The following LCOR variants were observed in gnomAD, a reference collection of about 807,000 sequenced individuals.
LCOR encodes the protein ligand-dependent corepressor.
Under a neutral mutation model 64.4 loss-of-function variants are expected in LCOR, and 14 were observed. The ratio of observed to expected loss-of-function variants is 0.22; its 90% CI spans 0.14 to 0.34. The LOEUF (loss-of-function observed/expected upper bound fraction) is 0.34, where lower values mean the gene tolerates loss of function less well. Among genes scored for constraint, LCOR ranks in the 10% least tolerant of loss-of-function variants. The probability of loss-of-function intolerance (pLI) is 1.00; values close to 1 mark genes in which losing one functional copy is unlikely to be tolerated. For missense variants in LCOR, 1,686 were observed against 1,765.3 expected, an observed-to-expected ratio of 0.96 and a Z score of 0.80; for synonymous variants, 643 against 642.5, an observed-to-expected ratio of 1.00 and a Z score of -0.01.
At chr10:96,862,891 T>G (rs1051070388) in intron 2 of LCOR, among the ~76,000 whole-genome samples, 2 of 151,844 alleles carry the variant, frequency 1.3e-5, no homozygotes, top group Admixed American at 1.3e-4. Context: ...TTCTTTTTTT[T>G]TTTTTTGAAA....
intron 2 of LCOR, among the ~76,000 whole-genome samples, chr10:96,858,924 T>C (rs1022258935): frequency 2.6e-5 from 4 of 152,306 alleles, no homozygotes; most frequent in Non-Finnish European, 4.4e-5. Context: ...TCCCTGTCCT[T>C]TGCTAAATTT....
chr10:96,905,212 T>C (rs1235188480), intron 2 of LCOR, among the ~76,000 whole-genome samples: 1 of 152,218 alleles, frequency 6.6e-6, no homozygotes, highest in Non-Finnish European at 1.5e-5. Context: ...TGCATTTTTC[T>C]TTCCTGGCAT....
In LCOR at chr10:96,985,048, GA is replaced by G; in HGVS notation, c.4589del (p.Glu1530GlyfsTer11). Reference protein sequence around the residue: ...TRARPSTKTPESSAAQRKRKL... With the variant: ...TRARPSTKTPXSSAAQRKRKL... ...GGCCAGACCCTCAACGAAAACCCCA[GA>G]GAGCAGTGCAGCTCAGAGAAAGCGA... On this transcript the variant is annotated frameshift_variant, in exon 8 of 8. Coordinates refer to ENST00000421806, the MANE Select transcript of LCOR (RefSeq NM_001346516.2). LOFTEE classifies it high-confidence loss of function. 1 of 1,614,224 alleles carries G rather than the reference GA, an allele frequency of 6.2e-7. No homozygotes were observed. Among genetic ancestry groups the G allele is most frequent in the Non-Finnish European group, 8.5e-7 (1 of 1,180,040 alleles).
intron 7 of LCOR, among the ~76,000 whole-genome samples, chr10:96,979,196 G>T (rs904614572): frequency 1.3e-5 from 2 of 152,228 alleles, no homozygotes; most frequent in African/African-American, 4.8e-5. Flanking sequence ...GAATTAGCCA[G>T]AAGATATTAT....
chr10:96,851,644 A>G (rs1285011694), intron 2 of LCOR, among the ~76,000 whole-genome samples: 4 of 152,252 alleles, frequency 2.6e-5, no homozygotes, highest in African/African-American at 7.2e-5. Flanking sequence ...CTCTGGAGCA[A>G]ACATTTTAAA....
intron 4 of LCOR, among the ~76,000 whole-genome samples, chr10:96,914,403 GTCAGGCTGGTCTCGAACTCCTGACC>G (rs1846901006): frequency 6.6e-6 from 1 of 152,128 alleles, no homozygotes; most frequent in South Asian, 2.1e-4. Context: ...CACCATGTTG[GTCAGGCTGGTCTCGAACTCCTGACC>G]TCAGGTGATG....
chr10:96,972,350 A>T (rs1034994523), intron 7 of LCOR, among the ~76,000 whole-genome samples: 1 of 152,126 alleles, frequency 6.6e-6, no homozygotes, highest in Non-Finnish European at 1.5e-5. Context: ...AAGGATGATG[A>T]AGTTAGAAAC....
intron 7 of LCOR, among the ~76,000 whole-genome samples, chr10:96,979,882 G>A (rs886936669): frequency 3.3e-5 from 5 of 152,190 alleles, no homozygotes; most frequent in East Asian, 1.9e-4. Flanking sequence ...GGCGGCTCAC[G>A]CCTGTAATCC....
At chr10:96,920,717 T>C (rs982348178) in intron 4 of LCOR, among the ~76,000 whole-genome samples, 1 of 140,766 alleles carries the variant, frequency 7.1e-6, no homozygotes, top group African/African-American at 2.8e-5. Flanking sequence ...TGTGTATATA[T>C]GTATATATGT....
chr10:96,841,400 A>G (rs7921193), intron 2 of LCOR, among the ~76,000 whole-genome samples: 20,715 of 144,670 alleles, frequency 0.14, 2,011 homozygotes, highest in African/African-American at 0.28. Flanking sequence ...TTGCTGTGTC[A>G]GCCAGGCTGG....
chr10:96,959,743 TTTG>T (rs1315038701), intron 7 of LCOR: 4 of 152,190 alleles, frequency 2.6e-5, no homozygotes, highest in African/African-American at 9.7e-5. Flanking sequence ...TAATATTAAG[TTTG>T]TTGTTCTGAA....
intron 4 of LCOR, among the ~76,000 whole-genome samples, chr10:96,908,834 G>A (rs1385145672): frequency 6.6e-6 from 1 of 151,952 alleles, no homozygotes; most frequent in Non-Finnish European, 1.5e-5. Context: ...TCCTGCCTCA[G>A]CCTCACGAGT....
chr10:96,852,495 T>C lies in LCOR; in HGVS notation c.-330+19016T>C, dbSNP rs372221770. On this transcript the variant is annotated intron_variant, in intron 2 of 7. Transcript: ENST00000421806. Reference sequence around the variant, plus strand: ...GGCACATATGAAACGTAAATGAATCTTGTGTTTAGACTTGTGTGCCATCCC... The same window carrying C: ...GGCACATATGAAACGTAAATGAATCCTGTGTTTAGACTTGTGTGCCATCCC... Among the ~76,000 whole-genome samples, 59 of 152,344 alleles carry C rather than the reference T, an allele frequency of 3.9e-4. 1 individual carries two copies. The South Asian group carries it at 0.01, about 27-fold the overall frequency.
intron 2 of LCOR, among the ~76,000 whole-genome samples, chr10:96,886,758 T>C (rs1211306407): frequency 6.6e-6 from 1 of 152,234 alleles, no homozygotes; most frequent in Non-Finnish European, 1.5e-5. Flanking sequence ...TCCTGAGCAC[T>C]TGGAATAATT....
chr10:96,983,867 C>T lies in LCOR; in HGVS notation c.3407C>T (p.Pro1136Leu). Residue 1136 changes from proline to leucine, a missense_variant, in exon 8 of 8, where the codon CCA (proline) becomes CTA (leucine). Physicochemically the swap from Pro to Leu is moderately conservative, Grantham distance 98. Around this residue, in one of 3 missense-constraint regions of LCOR, gnomAD observed 1,293 missense variants for 1,410.4 expected, o/e 0.92. Transcript: ENST00000421806. The surrounding 1 kb of genome is among the most constrained non-coding windows in gnomAD (Gnocchi z 4.5). ...IQLEKEGQPT[P>L]RARNKSDKLK... is the part of the protein sequence containing the mutation. The stretch of plus-strand genomic sequence containing the variant: ...TTGGAGAAAGAAGGACAGCCAACAC[C>T]AAGAGCAAGGAACAAATCAGATAAA... 1.9e-6 allele frequency: 3 copies of T among 1,613,980 alleles called. No individual in the cohort carries two copies. Among genetic ancestry groups the T allele is most frequent in the Non-Finnish European group, 2.5e-6 (3 of 1,180,012 alleles).
chr10:96,914,539 A>G (rs1846904463), intron 4 of LCOR, among the ~76,000 whole-genome samples: 1 of 152,214 alleles, frequency 6.6e-6, no homozygotes, highest in Admixed American at 6.5e-5. Flanking sequence ...TGTTTTCCCA[A>G]AGCCAAACTG....
At chr10:96,836,236 C>T (rs1377805769) in intron 2 of LCOR, among the ~76,000 whole-genome samples, 2 of 152,184 alleles carry the variant, frequency 1.3e-5, no homozygotes, top group East Asian at 3.9e-4. Context: ...CACAGGGGGG[C>T]CTGGAATTTC....
intron 4 of LCOR, among the ~76,000 whole-genome samples, chr10:96,941,342 A>G (rs1847469564): frequency 1.6e-5 from 2 of 124,682 alleles, no homozygotes; most frequent in South Asian, 5.2e-4. Flanking sequence ...AGGAGTCCTC[A>G]CTTCCCAGTA....
chr10:96,834,865 C>T (rs1845414847), intron 2 of LCOR, among the ~76,000 whole-genome samples: 2 of 152,088 alleles, frequency 1.3e-5, no homozygotes, highest in Admixed American at 6.6e-5. Context: ...TTAGTTACTG[C>T]TGCTTGACAA....
Sources: allele counts gnomAD v4.1 joint callset (sites outside exome capture counted in the v4.1 genomes callset), GRCh38; gene constraint gnomAD v4.1.1; regional missense constraint gnomAD v4.1.1; non-coding constraint Gnocchi (gnomAD v3.1); transcripts MANE v1.5; gene names NCBI Gene and HGNC (gene_info 2026-07-23, HGNC 2026-07-21).